The following RIC3 variants were observed in gnomAD, a reference collection of about 807,000 sequenced individuals.
RIC3 encodes the protein RIC3 acetylcholine receptor chaperone, also known as protein RIC-3.
RIC3 carries 28 observed loss-of-function variants against 27.3 expected under a neutral mutation model. The ratio of observed to expected loss-of-function variants is 1.02; its 90% CI spans 0.76 to 1.41. The LOEUF (loss-of-function observed/expected upper bound fraction) is 1.41. RIC3 is among the 40% of genes most tolerant of loss of function. The probability of loss-of-function intolerance (pLI) is 0.00; values close to 1 mark genes in which losing one functional copy is unlikely to be tolerated. For missense variants in RIC3, 501 were observed against 444.7 expected (o/e 1.13, Z -1.14); for synonymous variants, 184 against 160.4 (o/e 1.15, Z -1.11).
At chr11:8,138,235 A>G (rs1240773995) in intron 3 of RIC3, 37 bp downstream of exon 3, 4 of 1,441,728 alleles carry the variant, frequency 2.8e-6, no homozygotes, top group Non-Finnish European at 2.0e-6. Flanking sequence ...TGTTTGACTC[A>G]ATAATACCTG....
chr11:8,156,440 C>T (rs1388403837), intron 1 of RIC3, among the ~76,000 whole-genome samples: 2 of 152,174 alleles, frequency 1.3e-5, no homozygotes, highest in African/African-American at 4.8e-5. Context: ...ACAAGAATTA[C>T]AGATTAAATA....
At chr11:8,152,516 A>T (rs1387847283) in intron 1 of RIC3, among the ~76,000 whole-genome samples, 5 of 152,224 alleles carry the variant, frequency 3.3e-5, no homozygotes, top group Non-Finnish European at 5.9e-5. Context: ...CAGGATAGTC[A>T]AGTCTATAGG....
chr11:8,096,467 A>T, the RIC3 span, among the ~76,000 whole-genome samples: 185 of 152,268 alleles, frequency 1.2e-3, 4 homozygotes, highest in East Asian at 0.032. Flanking sequence ...GCCCCGGCTC[A>T]TGTGTGTACC....
intron 4 of RIC3, among the ~76,000 whole-genome samples, chr11:8,127,397 G>A (rs1052935946): frequency 6.6e-6 from 1 of 152,158 alleles, no homozygotes; most frequent in African/African-American, 2.4e-5. Flanking sequence ...GAGAAATATT[G>A]TTTATATATT....
At chr11:8,150,972 A>G (rs1489142924) in intron 1 of RIC3, among the ~76,000 whole-genome samples, 3 of 152,186 alleles carry the variant, frequency 2.0e-5, no homozygotes, top group Non-Finnish European at 4.4e-5. Context: ...CCTATCTCAT[A>G]CCATATACAG....
chr11:8,105,538 T>G (rs1486466070), downstream of RIC3: 1 of 152,238 alleles, frequency 6.6e-6, no homozygotes, highest in Admixed American at 6.5e-5. Flanking sequence ...GTTGGTCTTA[T>G]AGAAAGCACT....
At chr11:8,165,937 C>T (rs550697058) in intron 1 of RIC3, among the ~76,000 whole-genome samples, 1 of 151,714 alleles carries the variant, frequency 6.6e-6, no homozygotes. Flanking sequence ...CACCACCATG[C>T]CCAGCTAATT....
intron 1 of RIC3, among the ~76,000 whole-genome samples, chr11:8,147,796 C>T (rs944250219): frequency 2.0e-5 from 3 of 148,058 alleles, no homozygotes; most frequent in Non-Finnish European, 3.0e-5. Flanking sequence ...GGCGCGATCT[C>T]GGCTCATTGC....
At chr11:8,150,005 C>T (rs1172732543) in intron 1 of RIC3, among the ~76,000 whole-genome samples, 1 of 152,306 alleles carries the variant, frequency 6.6e-6, no homozygotes, top group Middle Eastern at 3.4e-3. Context: ...GGGCTGAAAA[C>T]TCCACTCTCT....
chr11:8,134,791 C>A (rs1300048191), intron 4 of RIC3, among the ~76,000 whole-genome samples: 1 of 152,122 alleles, frequency 6.6e-6, no homozygotes, highest in Non-Finnish European at 1.5e-5. Flanking sequence ...GCATAAATGT[C>A]TTCTTTTGAG....
intron 5 of RIC3, among the ~76,000 whole-genome samples, chr11:8,126,367 A>G (rs530399770): frequency 6.6e-6 from 1 of 152,340 alleles, no homozygotes; most frequent in South Asian, 2.1e-4. Context: ...ACTTACATAG[A>G]AAAGGCAAAA....
chr11:8,163,014 T>C (rs912091441), intron 1 of RIC3, among the ~76,000 whole-genome samples: 1 of 109,970 alleles, frequency 9.1e-6, no homozygotes, highest in African/African-American at 4.6e-5. Context: ...ATCTGGATTA[T>C]TTAAACACAC....
intron 4 of RIC3, among the ~76,000 whole-genome samples, chr11:8,134,239 T>A (rs1454635360): frequency 6.6e-6 from 1 of 152,154 alleles, no homozygotes; most frequent in East Asian, 1.9e-4. Flanking sequence ...AGTGAGAACA[T>A]GCGGTGTTTG....
In RIC3 at chr11:8,138,263, G is replaced by C; in HGVS notation, c.427+9C>G. 1.3e-6 allele frequency: 2 copies of C among 1,593,406 alleles called. No individual in the cohort carries two copies. The highest frequency in any genetic ancestry group is 1.7e-6 in the Non-Finnish European group (2 of 1,161,310). On this transcript the variant is annotated intron_variant, in intron 3 of 5. Transcript: ENST00000309737. ...AATACCTGTGAATATACTGAGAAGG[G>C]GCACTTACTAATTTTCCTGTGGGTG...
At chr11:8,127,339 A>C (rs1947105933) in intron 4 of RIC3, among the ~76,000 whole-genome samples, 1 of 152,164 alleles carries the variant, frequency 6.6e-6, no homozygotes, top group Non-Finnish European at 1.5e-5. Flanking sequence ...GATTTTGAAA[A>C]TTCAATCATC....
downstream of RIC3, chr11:8,104,927 GTTGTTTT>G (rs1944478261): frequency 6.9e-6 from 1 of 144,104 alleles, no homozygotes; most frequent in Admixed American, 6.8e-5. Context: ...GAAGCAGAAG[GTTGTTTT>G]TTTTTTTTTT....
At chr11:8,156,765 A>C (rs909726683) in intron 1 of RIC3, among the ~76,000 whole-genome samples, 2 of 152,102 alleles carry the variant, frequency 1.3e-5, no homozygotes, top group Non-Finnish European at 2.9e-5. Context: ...ATGCCCCCGA[A>C]GCATTTTCTC....
chr11:8,120,929 G>A (rs560370550), intron 5 of RIC3, among the ~76,000 whole-genome samples: 2 of 152,016 alleles, frequency 1.3e-5, no homozygotes, highest in African/African-American at 4.8e-5. Flanking sequence ...TTGTGTACAG[G>A]TGAAAAATAT....
the RIC3 span, chr11:8,096,722 G>T: frequency 1.9e-6 from 3 of 1,613,974 alleles, no homozygotes; most frequent in Non-Finnish European, 2.5e-6. Context: ...AGGATGAGGA[G>T]GATGAGGAGG....
Sources: gnomAD v4.1 joint callset for allele counts (sites outside exome capture counted in the v4.1 genomes callset) on GRCh38, gnomAD v4.1.1 for gene constraint, MANE v1.5 for transcripts, NCBI Gene and HGNC (gene_info 2026-07-23, HGNC 2026-07-21) for gene names.